The following TRAPPC10 variants were observed in gnomAD, a reference collection of about 807,000 sequenced individuals.
The protein encoded by TRAPPC10 is trafficking protein particle complex subunit 10.
Under a neutral mutation model 125.5 loss-of-function variants are expected in TRAPPC10, and 23 were observed. The observed-to-expected ratio is 0.18, with a 90% CI of 0.13 to 0.26. The LOEUF is 0.26. Among genes scored for constraint, TRAPPC10 ranks in the 10% least tolerant of loss-of-function variants. The probability of loss-of-function intolerance (pLI) is 1.00; values close to 1 mark genes in which losing one functional copy is unlikely to be tolerated. For synonymous variants in TRAPPC10, 509 were observed against 518.0 expected (o/e 0.98, Z 0.24); for missense variants, 1,123 against 1,308.4 (o/e 0.86, Z 2.19).
intron 7 of TRAPPC10, among the ~76,000 whole-genome samples, chr21:44,068,820 T>G (rs1380601626): frequency 1.3e-5 from 2 of 152,070 alleles, no homozygotes; most frequent in African/African-American, 4.8e-5. Flanking sequence ...CAGGCTGGTC[T>G]TGAACTCCTG....
chr21:44,033,119 G>A (rs2033720312), intron 2 of TRAPPC10, among the ~76,000 whole-genome samples: 1 of 152,202 alleles, frequency 6.6e-6, no homozygotes, highest in South Asian at 2.1e-4. Context: ...ATAAAGTTGT[G>A]TATATGTAAA....
intron 13 of TRAPPC10, among the ~76,000 whole-genome samples, chr21:44,080,767 G>C (rs2037647294): frequency 1.3e-5 from 2 of 151,834 alleles, no homozygotes. Context: ...TCAGACTCCT[G>C]ACCTCAGGTG....
At chr21:44,027,410 C>G (rs1350315394) in intron 1 of TRAPPC10, among the ~76,000 whole-genome samples, 3 of 152,244 alleles carry the variant, frequency 2.0e-5, no homozygotes, top group African/African-American at 4.8e-5. Flanking sequence ...AATGTTCACT[C>G]TGTCTGCGGA....
At chr21:44,031,695 G>T (rs2033596434) in intron 1 of TRAPPC10, among the ~76,000 whole-genome samples, 1 of 152,200 alleles carries the variant, frequency 6.6e-6, no homozygotes, top group African/African-American at 2.4e-5. Flanking sequence ...GTTGATTTTG[G>T]TGAAGTTTTG....
chr21:44,023,528 T>C (rs1274608739), intron 1 of TRAPPC10, among the ~76,000 whole-genome samples: 1 of 152,188 alleles, frequency 6.6e-6, no homozygotes, highest in Non-Finnish European at 1.5e-5. Context: ...GTCTCTTTCA[T>C]GTTGGGGTCT....
At chr21:44,048,740 C>A (rs1329611922) in intron 3 of TRAPPC10, among the ~76,000 whole-genome samples, 1 of 151,312 alleles carries the variant, frequency 6.6e-6, no homozygotes, top group Non-Finnish European at 1.5e-5. Context: ...GTGATCTGCC[C>A]ACCTCAGCCT....
intron 11 of TRAPPC10, 66 bp from the exon 12 acceptor site, chr21:44,079,498 G>C: frequency 3.3e-6 from 5 of 1,534,528 alleles, no homozygotes; most frequent in Non-Finnish European, 4.4e-6. Context: ...AAGCGGGAGA[G>C]ATGGGGTTTC....
chr21:44,020,026 A>G (rs967437925), intron 1 of TRAPPC10, among the ~76,000 whole-genome samples: 1 of 147,764 alleles, frequency 6.8e-6, no homozygotes, highest in African/African-American at 2.5e-5. Flanking sequence ...ATGGTGTTTA[A>G]TTTCTGAATA....
At chr21:44,054,385 T>C (rs532428083) in intron 4 of TRAPPC10, among the ~76,000 whole-genome samples, 1 of 152,344 alleles carries the variant, frequency 6.6e-6, no homozygotes, top group East Asian at 1.9e-4. Context: ...TCCATGAATT[T>C]AGCCATGCCT....
chr21:44,096,046 C>A (rs1026504099), intron 20 of TRAPPC10, among the ~76,000 whole-genome samples: 3 of 82,844 alleles, frequency 3.6e-5, no homozygotes, highest in Non-Finnish European at 7.2e-5. Flanking sequence ...CCAGAGAGTC[C>A]CAGCTTCTGT....
intron 1 of TRAPPC10, among the ~76,000 whole-genome samples, chr21:44,019,877 T>G (rs2032302714): frequency 6.6e-6 from 1 of 152,242 alleles, no homozygotes. Flanking sequence ...CTTCGTGTAC[T>G]CCTGACCGAG....
chr21:44,059,054 C>A lies in TRAPPC10; in HGVS notation c.679-49C>A. ...ATGGCTACATACTGTTTCTTCTATA[C>A]ATTGATTTATGTTTTTGTTTTTTTA... On this transcript the variant is annotated intron_variant, in intron 5 of 22. Coordinates refer to ENST00000291574, the MANE Select transcript of TRAPPC10 (RefSeq NM_003274.5). The surrounding 1 kb of genome is among the most constrained non-coding windows in gnomAD (Gnocchi z 4.4). 1 of 1,427,576 alleles carries A rather than the reference C, an allele frequency of 7.0e-7. No individual in the cohort carries two copies. The highest frequency in any genetic ancestry group is 9.6e-7 in the Non-Finnish European group (1 of 1,041,956). The allele number at this position is 1,427,576 out of a possible 1,614,324, so 88.4% of individuals were successfully genotyped here. A position where few individuals can be genotyped will look rare whatever the true frequency, so the allele number is the denominator to read the frequency against.
Position 44,089,558 on chromosome 21 carries a change from G to A in TRAPPC10, c.2770-275G>A, listed in dbSNP as rs184623626. 727 of 512,398 alleles carry A rather than the reference G, an allele frequency of 1.4e-3. 1 individual carries two copies. Among genetic ancestry groups the A allele is most frequent in the African/African-American group, 7.3e-3 (381 of 52,270 alleles). 31.7% of individuals were successfully genotyped at this position (512,398 alleles called of 1,614,324 possible). On this transcript the variant is annotated intron_variant, in intron 17 of 22. Coordinates refer to ENST00000291574, the MANE Select transcript of TRAPPC10 (RefSeq NM_003274.5). ...CAGGTGGGTCTGCTGCTTAGAGGACGGCTGTGCTCTTCCGCCGTTGAGGTG... is the reference window on the plus strand; with the variant it reads ...CAGGTGGGTCTGCTGCTTAGAGGACAGCTGTGCTCTTCCGCCGTTGAGGTG...
chr21:44,059,290 C>A lies in TRAPPC10; in HGVS notation c.790+76C>A. The A allele has an allele frequency of 1.9e-6, 2 of 1,033,174 alleles. No individual in the cohort carries two copies. The highest frequency in any genetic ancestry group is 2.4e-5 in the Admixed American group (1 of 41,250). The allele number at this position is 1,033,174 out of a possible 1,614,324, so 64.0% of individuals were successfully genotyped here. On this transcript the variant is annotated intron_variant, in intron 6 of 22. Coordinates refer to ENST00000291574, the MANE Select transcript of TRAPPC10 (RefSeq NM_003274.5). The surrounding 1 kb of genome is among the most constrained non-coding windows in gnomAD (Gnocchi z 4.4). ...CAACTTCAGATAGGCTTGAAGCAGCCATTTATTTACCTCAGGAGTACGCAT... is the reference window on the plus strand; with the variant it reads ...CAACTTCAGATAGGCTTGAAGCAGCAATTTATTTACCTCAGGAGTACGCAT...
intron 9 of TRAPPC10, among the ~76,000 whole-genome samples, chr21:44,075,928 A>T (rs2037244926): frequency 6.6e-6 from 1 of 152,146 alleles, no homozygotes; most frequent in Admixed American, 6.5e-5. Context: ...GCATGCCTGT[A>T]ATCCCAGCTA....
At chr21:44,047,278 GT>G (rs2034899817) in intron 3 of TRAPPC10, among the ~76,000 whole-genome samples, 1 of 152,140 alleles carries the variant, frequency 6.6e-6, no homozygotes, top group Non-Finnish European at 1.5e-5. Context: ...TGCCTCCTGG[GT>G]TCAAGCGATT....
intron 18 of TRAPPC10, 169 bp from the exon 19 acceptor site, chr21:44,091,754 T>G: frequency 3.1e-6 from 2 of 653,340 alleles, no homozygotes; most frequent in South Asian, 4.0e-5. Context: ...GTTTATTTTC[T>G]GGCACTTTTC....
chr21:44,019,104 T>G (rs1179780445), intron 1 of TRAPPC10, among the ~76,000 whole-genome samples: 1 of 152,012 alleles, frequency 6.6e-6, no homozygotes, highest in East Asian at 1.9e-4. Flanking sequence ...TCGCCCAGAC[T>G]GGAGTGCAGT....
chr21:44,043,269 A>G (rs1601631942), intron 3 of TRAPPC10, among the ~76,000 whole-genome samples: 2 of 129,426 alleles, frequency 1.5e-5, no homozygotes, highest in East Asian at 4.5e-4. Context: ...GCTGGAGTGC[A>G]GTGGCTTGAT....
Sources: gnomAD v4.1 joint callset for allele counts (sites outside exome capture counted in the v4.1 genomes callset) on GRCh38, gnomAD v4.1.1 for gene constraint, Gnocchi (gnomAD v3.1) non-coding constraint, MANE v1.5 for transcripts, NCBI Gene and HGNC (gene_info 2026-07-23, HGNC 2026-07-21) for gene names.